The following PHF24 variants were observed in gnomAD, a reference collection of about 807,000 sequenced individuals.
PHF24 encodes PHD finger protein 24.
PHF24 carries 25 observed loss-of-function variants against 42.6 expected under a neutral mutation model. The ratio of observed to expected loss-of-function variants is 0.59; its 90% CI spans 0.43 to 0.82. PHF24 has a LOEUF of 0.82. PHF24 is among the 40% of genes least tolerant of loss of function. PHF24 has a pLI of 0.00. For missense variants in PHF24, 470 were observed against 538.1 expected (o/e 0.87, Z 1.25); for synonymous variants, 185 against 204.8 (o/e 0.90, Z 0.83).
the PHF24 span, among the ~76,000 whole-genome samples, chr9:34,883,303 G>T: frequency 6.6e-6 from 1 of 152,106 alleles, no homozygotes; most frequent in Non-Finnish European, 1.5e-5. Context: ...CATAGGCATG[G>T]GCAAGGACTT....
the PHF24 span, among the ~76,000 whole-genome samples, chr9:34,746,176 G>A: frequency 2.9e-4 from 44 of 152,304 alleles, no homozygotes; most frequent in African/African-American, 1.0e-3. Context: ...CAGGCTTTTG[G>A]TCAATCCTGA....
the PHF24 span, among the ~76,000 whole-genome samples, chr9:34,772,322 A>T: frequency 6.6e-6 from 1 of 152,128 alleles, no homozygotes; most frequent in Non-Finnish European, 1.5e-5. Flanking sequence ...ACTTTTTGAA[A>T]TTTTTCCTAA....
the PHF24 span, among the ~76,000 whole-genome samples, chr9:34,822,294 T>G: frequency 1.3e-5 from 2 of 152,206 alleles, no homozygotes; most frequent in African/African-American, 4.8e-5. Context: ...CCTGAAGGAC[T>G]TTCTATAAAA....
the PHF24 span, among the ~76,000 whole-genome samples, chr9:34,803,530 A>G: frequency 6.6e-6 from 1 of 152,168 alleles, no homozygotes; most frequent in African/African-American, 2.4e-5. Flanking sequence ...GTAAGAGGGG[A>G]CCAGGATCTG....
At chr9:34,665,796 C>T in the PHF24 span, 1 of 637,854 alleles carries the variant, frequency 1.6e-6, no homozygotes, top group Non-Finnish European at 2.8e-6. Context: ...CCCCGAGAAG[C>T]CTCAGTTGCC....
the PHF24 span, among the ~76,000 whole-genome samples, chr9:34,883,919 T>C: frequency 1.3e-5 from 2 of 152,228 alleles, no homozygotes; most frequent in African/African-American, 4.8e-5. Context: ...TGCACACGTA[T>C]GTTTATTGCA....
chr9:34,971,723 G>T, intron 2 of PHF24, 47 bp downstream of exon 2: 1 of 1,551,420 alleles, frequency 6.4e-7, no homozygotes, highest in Non-Finnish European at 8.7e-7. Context: ...GTGCATCAGG[G>T]AGCAGGACAG....
the PHF24 span, chr9:34,834,442 G>A: frequency 2.2e-3 from 3,357 of 1,551,756 alleles, 2 homozygotes; most frequent in African/African-American, 0.04. Flanking sequence ...GGTCAGTGGA[G>A]GTAAGGAGCA....
chr9:34,709,505 G>A, the PHF24 span: 146 of 1,614,024 alleles, frequency 9.0e-5, no homozygotes, highest in Non-Finnish European at 1.2e-4. Context: ...CTCACCTCTT[G>A]CAGCCTTTGG....
At chr9:34,919,259 T>C in the PHF24 span, among the ~76,000 whole-genome samples, 1 of 152,202 alleles carries the variant, frequency 6.6e-6, no homozygotes, top group Non-Finnish European at 1.5e-5. Flanking sequence ...ATTAGGATAA[T>C]TAGAATGTCT....
chr9:34,965,669 T>TA (rs1440086016), intron 1 of PHF24, among the ~76,000 whole-genome samples: 1 of 152,232 alleles, frequency 6.6e-6, no homozygotes, highest in African/African-American at 2.4e-5. Flanking sequence ...ATGGTATCCT[T>TA]ACAGTTAATA....
the PHF24 span, chr9:34,709,880 G>A: frequency 1.2e-6 from 2 of 1,614,238 alleles, no homozygotes; most frequent in African/African-American, 2.7e-5. Flanking sequence ...CAACAGTCCT[G>A]AGCCCCTCCA....
chr9:34,709,469 C>G, the PHF24 span: 1 of 1,613,448 alleles, frequency 6.2e-7, no homozygotes, highest in East Asian at 2.2e-5. Flanking sequence ...GACTGAGGCT[C>G]CCCTTTACCC....
chr9:34,976,711 C>T (rs1587480630), exon 5 of PHF24: 2 of 1,613,778 alleles, frequency 1.2e-6, no homozygotes, highest in Non-Finnish European at 1.7e-6. Context: ...CCATGAGTCC[C>T]TCCTGCTTCT....
At chr9:34,716,565 C>CTTTGTTTTGT in the PHF24 span, among the ~76,000 whole-genome samples, 4,221 of 148,296 alleles carry the variant, frequency 0.028, 97 homozygotes, top group Admixed American at 0.053. Context: ...TTTTGTTTTG[C>CTTTGTTTTGT]TTTGTTTTGT....
chr9:34,879,925 A>G, the PHF24 span, among the ~76,000 whole-genome samples: 1 of 152,232 alleles, frequency 6.6e-6, no homozygotes, highest in African/African-American at 2.4e-5. Flanking sequence ...GAAATGAAGG[A>G]AAAAATATTA....
the PHF24 span, among the ~76,000 whole-genome samples, chr9:34,897,137 C>T: frequency 6.6e-6 from 1 of 152,152 alleles, no homozygotes. Flanking sequence ...GCCTGGGTGA[C>T]AGAATGAGAC....
chr9:34,947,653 G>A, the PHF24 span, among the ~76,000 whole-genome samples: 1 of 151,990 alleles, frequency 6.6e-6, no homozygotes, highest in African/African-American at 2.4e-5. Context: ...ACAGCTCCAG[G>A]CCTGTTATTG....
At chr9:34,727,071 T>C in the PHF24 span, 1 of 1,478,818 alleles carries the variant, frequency 6.8e-7, no homozygotes, top group Non-Finnish European at 9.0e-7. Flanking sequence ...GGCACTCTCC[T>C]TTCCCAGTCC....
Sources: allele counts gnomAD v4.1 joint callset (sites outside exome capture counted in the v4.1 genomes callset), GRCh38; gene constraint gnomAD v4.1.1; transcripts MANE v1.5; gene names NCBI Gene and HGNC (gene_info 2026-07-23, HGNC 2026-07-21).